FOXP2: variants seen among roughly 807,000 people sequenced by gnomAD.
FOXP2 encodes the protein forkhead box P2.
Under a neutral mutation model 115.8 loss-of-function variants are expected in FOXP2, and 12 were observed. The observed-to-expected ratio is 0.10, with a 90% CI of 0.07 to 0.17. The LOEUF is 0.17. Among genes scored for constraint, FOXP2 ranks in the 10% least tolerant of loss-of-function variants. The pLI, the probability that FOXP2 is intolerant of heterozygous loss-of-function variation, is 1.00. For synonymous variants in FOXP2, 328 were observed against 297.7 expected, an observed-to-expected ratio of 1.10 and a Z score of -1.05; for missense variants, 629 against 843.5, an observed-to-expected ratio of 0.75 and a Z score of 3.15.
intron 16 of FOXP2, among the ~76,000 whole-genome samples, chr7:114,677,411 T>A (rs571943352): frequency 1.3e-5 from 2 of 152,298 alleles, no homozygotes; most frequent in Non-Finnish European, 2.9e-5. Context: ...ATTTTGAACA[T>A]CTCAGTTTAA....
intron 1 of FOXP2, among the ~76,000 whole-genome samples, chr7:114,186,610 C>T (rs1167211234): frequency 6.6e-6 from 1 of 152,152 alleles, no homozygotes; most frequent in Non-Finnish European, 1.5e-5. Flanking sequence ...GTACCTGCAA[C>T]TTTGCCAGGT....
intron 2 of FOXP2, among the ~76,000 whole-genome samples, chr7:114,352,003 C>T (rs1791501825): frequency 6.6e-6 from 1 of 151,940 alleles, no homozygotes; most frequent in Non-Finnish European, 1.5e-5. Flanking sequence ...TGCAGTGGCT[C>T]ACATCTATAA....
At chr7:114,471,648 C>T (rs966146799) in intron 2 of FOXP2, among the ~76,000 whole-genome samples, 9 of 151,914 alleles carry the variant, frequency 5.9e-5, no homozygotes, top group African/African-American at 2.2e-4. Flanking sequence ...TGTTCCTTTC[C>T]TTAAGACTTA....
At chr7:114,110,579 A>C (rs896182048) in intron 1 of FOXP2, among the ~76,000 whole-genome samples, 17 of 151,962 alleles carry the variant, frequency 1.1e-4, no homozygotes, top group African/African-American at 4.1e-4. Context: ...TCTTGTTGTC[A>C]TGCTCATTGG....
chr7:114,141,847 T>G (rs539537317), intron 1 of FOXP2, among the ~76,000 whole-genome samples: 2 of 152,314 alleles, frequency 1.3e-5, no homozygotes, highest in African/African-American at 4.8e-5. Flanking sequence ...CTACTGTGGA[T>G]TAAATTACAG....
chr7:114,494,125 A>G (rs931464098), intron 2 of FOXP2, among the ~76,000 whole-genome samples: 1 of 152,112 alleles, frequency 6.6e-6, no homozygotes, highest in African/African-American at 2.4e-5. Context: ...TACATATTTT[A>G]CCAAATTGAT....
intron 1 of FOXP2, among the ~76,000 whole-genome samples, chr7:114,197,907 C>G (rs777836569): frequency 1.3e-5 from 2 of 151,548 alleles, no homozygotes; most frequent in Non-Finnish European, 2.9e-5. Flanking sequence ...CTCTGTCACC[C>G]AGGCTGGAGT....
At chr7:114,293,527 T>C (rs1336983974) in intron 2 of FOXP2, among the ~76,000 whole-genome samples, 1 of 152,196 alleles carries the variant, frequency 6.6e-6, no homozygotes, top group African/African-American at 2.4e-5. Context: ...TGAGATATGA[T>C]ATAATTTGGC....
chr7:114,276,613 A>G (rs1796195137), intron 1 of FOXP2, among the ~76,000 whole-genome samples: 1 of 151,992 alleles, frequency 6.6e-6, no homozygotes, highest in Admixed American at 6.6e-5. Flanking sequence ...TCCTTTTAGG[A>G]TTGTCCTCAC....
chr7:114,603,176 A>G (rs1313719407), intron 3 of FOXP2, among the ~76,000 whole-genome samples: 1 of 152,200 alleles, frequency 6.6e-6, no homozygotes, highest in African/African-American at 2.4e-5. Flanking sequence ...ATATGAGGTC[A>G]TCAAAGTTGA....
At chr7:114,627,112 T>G (rs1804631303) in intron 3 of FOXP2, among the ~76,000 whole-genome samples, 1 of 151,628 alleles carries the variant, frequency 6.6e-6, no homozygotes, top group African/African-American at 2.4e-5. Flanking sequence ...TTATTTCTTT[T>G]TGGAGGAAGA....
chr7:114,404,186 T>C (rs1457474079), intron 2 of FOXP2, among the ~76,000 whole-genome samples: 1 of 152,044 alleles, frequency 6.6e-6, no homozygotes, highest in Non-Finnish European at 1.5e-5. Context: ...TATCAAATAA[T>C]TATGACTTTA....
At chr7:114,459,542 CA>C (rs1795467478) in intron 2 of FOXP2, among the ~76,000 whole-genome samples, 1 of 152,194 alleles carries the variant, frequency 6.6e-6, no homozygotes, top group South Asian at 2.1e-4. Flanking sequence ...ATAAGGTTAT[CA>C]AATCTTCACT....
chr7:114,277,843 C>T (rs939281492), intron 1 of FOXP2, among the ~76,000 whole-genome samples: 7 of 151,064 alleles, frequency 4.6e-5, no homozygotes, highest in Admixed American at 3.3e-4. Context: ...GGTGAAACCC[C>T]GTCTCTACTA....
chr7:114,516,933 A>T (rs1412081323), intron 2 of FOXP2, among the ~76,000 whole-genome samples: 2 of 151,908 alleles, frequency 1.3e-5, no homozygotes, highest in African/African-American at 2.4e-5. Flanking sequence ...TGACCTCATG[A>T]TCCACCTGCC....
At chr7:114,100,644 G>C (rs1457083633) in intron 1 of FOXP2, among the ~76,000 whole-genome samples, 1 of 151,948 alleles carries the variant, frequency 6.6e-6, no homozygotes, top group Non-Finnish European at 1.5e-5. Flanking sequence ...ACATTTCATA[G>C]TTTTGCTCAA....
At chr7:114,639,535 A>G (rs1198998798) in intron 6 of FOXP2, among the ~76,000 whole-genome samples, 2 of 151,920 alleles carry the variant, frequency 1.3e-5, no homozygotes, top group African/African-American at 2.4e-5. Flanking sequence ...TTTTAAAAAA[A>G]AAGCTGGATG....
chr7:114,138,484 C>T (rs565489321), intron 1 of FOXP2, among the ~76,000 whole-genome samples: 73 of 151,868 alleles, frequency 4.8e-4, no homozygotes, highest in African/African-American at 1.7e-3. Context: ...CTCTGCCTCC[C>T]GGGTTCACAT....
At chr7:114,388,780 G>T (rs779753667) in intron 2 of FOXP2, among the ~76,000 whole-genome samples, 12 of 152,066 alleles carry the variant, frequency 7.9e-5, no homozygotes, top group Non-Finnish European at 1.6e-4. Flanking sequence ...CAGCATAGAG[G>T]AAAAATAGTT....
Sources: gnomAD v4.1 joint callset for allele counts (sites outside exome capture counted in the v4.1 genomes callset) on GRCh38, gnomAD v4.1.1 for gene constraint, MANE v1.5 for transcripts, NCBI Gene and HGNC (gene_info 2026-07-23, HGNC 2026-07-21) for gene names.